Variants in FRMD4A observed in about 807,000 individuals in gnomAD.
FRMD4A encodes the protein FERM domain containing 4A, also known as FERM domain-containing protein 4A.
A neutral mutation model predicts 129.1 loss-of-function variants in FRMD4A; 29 were observed. The observed-to-expected ratio is 0.22, with a 90% CI of 0.17 to 0.31. The LOEUF (loss-of-function observed/expected upper bound fraction) is 0.31. FRMD4A is among the 10% of genes least tolerant of loss of function. FRMD4A has a pLI of 1.00. For missense variants in FRMD4A, 1,272 were observed against 1,375.8 expected (o/e 0.92, Z 1.19); for synonymous variants, 634 against 571.6 (o/e 1.11, Z -1.56).
chr10:13,916,183 G>A (rs2095002291), intron 2 of FRMD4A, among the ~76,000 whole-genome samples: 1 of 152,160 alleles, frequency 6.6e-6, no homozygotes, highest in South Asian at 2.1e-4. Flanking sequence ...GAAGTCTTTA[G>A]GTTTCATTCT....
intron 2 of FRMD4A, among the ~76,000 whole-genome samples, chr10:14,096,313 T>C (rs1184378875): frequency 1.3e-5 from 2 of 152,192 alleles, no homozygotes; most frequent in Admixed American, 6.5e-5. Context: ...GATCTTGAAC[T>C]TCCCAGCCTC....
chr10:14,213,595 C>T (rs919574144), intron 2 of FRMD4A, among the ~76,000 whole-genome samples: 10 of 152,218 alleles, frequency 6.6e-5, no homozygotes, highest in African/African-American at 2.2e-4. Context: ...TCTGCACAAA[C>T]AAAACCATCC....
chr10:13,725,143 G>A (rs1415399616), intron 12 of FRMD4A, among the ~76,000 whole-genome samples: 1 of 152,138 alleles, frequency 6.6e-6, no homozygotes, highest in Non-Finnish European at 1.5e-5. Context: ...CTAGTTTTAA[G>A]ATTCCTTCAA....
intron 2 of FRMD4A, among the ~76,000 whole-genome samples, chr10:13,889,145 G>A (rs186528755): frequency 3.0e-4 from 45 of 152,350 alleles, no homozygotes; most frequent in African/African-American, 1.0e-3. Context: ...ATCTTTGATG[G>A]TAGTCTCACC....
chr10:14,015,759 A>G (rs2095697224), intron 2 of FRMD4A, among the ~76,000 whole-genome samples: 1 of 152,228 alleles, frequency 6.6e-6, no homozygotes, highest in Admixed American at 6.5e-5. Flanking sequence ...TGTCTAATAA[A>G]ATAAGGCAAT....
At chr10:14,244,264 C>A (rs993164353) in intron 2 of FRMD4A, among the ~76,000 whole-genome samples, 3 of 152,240 alleles carry the variant, frequency 2.0e-5, no homozygotes, top group Non-Finnish European at 4.4e-5. Context: ...CTGCTGTTCA[C>A]CAGCCTTGCC....
At chr10:13,842,153 A>G (rs1007803958) in intron 3 of FRMD4A, among the ~76,000 whole-genome samples, 2 of 152,180 alleles carry the variant, frequency 1.3e-5, no homozygotes, top group Non-Finnish European at 1.5e-5. Flanking sequence ...GGGGTCAACA[A>G]ACCCCCAAGG....
intron 2 of FRMD4A, among the ~76,000 whole-genome samples, chr10:13,997,868 C>T (rs974060638): frequency 6.6e-6 from 1 of 152,130 alleles, no homozygotes; most frequent in South Asian, 2.1e-4. Flanking sequence ...CTGCTCACCT[C>T]TACCTCCCAA....
intron 2 of FRMD4A, among the ~76,000 whole-genome samples, chr10:13,988,607 T>C (rs1034983512): frequency 2.6e-5 from 4 of 152,182 alleles, no homozygotes; most frequent in African/African-American, 9.7e-5. Flanking sequence ...GATAGATGAA[T>C]GGATGGGTAC....
intron 2 of FRMD4A, among the ~76,000 whole-genome samples, chr10:14,061,592 C>G (rs1246645702): frequency 6.6e-6 from 1 of 152,160 alleles, no homozygotes; most frequent in African/African-American, 2.4e-5. Flanking sequence ...CCTCCCTATC[C>G]TGAGACTTTT....
chr10:14,062,610 A>C (rs1395884440), intron 2 of FRMD4A, among the ~76,000 whole-genome samples: 1 of 152,258 alleles, frequency 6.6e-6, no homozygotes, highest in Non-Finnish European at 1.5e-5. Flanking sequence ...GAGACAGTGC[A>C]TCCCTCTAAG....
chr10:14,323,723 C>T (rs7095240), intron 2 of FRMD4A, among the ~76,000 whole-genome samples: 3,347 of 152,268 alleles, frequency 0.022, 135 homozygotes, highest in African/African-American at 0.076. Flanking sequence ...TCCTTCCTTC[C>T]TTTCAGTAGG....
chr10:13,860,789 T>A (rs1005694965), intron 2 of FRMD4A, among the ~76,000 whole-genome samples: 3 of 151,590 alleles, frequency 2.0e-5, no homozygotes, highest in Non-Finnish European at 4.4e-5. Context: ...TTTAATTTAA[T>A]TTTTTTTTAG....
chr10:13,664,006 G>C (rs1180887683), intron 18 of FRMD4A, among the ~76,000 whole-genome samples: 2 of 152,168 alleles, frequency 1.3e-5, no homozygotes, highest in African/African-American at 4.8e-5. Context: ...GCTAAATACA[G>C]GCTCCATCTC....
intron 2 of FRMD4A, among the ~76,000 whole-genome samples, chr10:13,937,704 CTTAAAA>C (rs1023540764): frequency 7.9e-5 from 12 of 152,150 alleles, no homozygotes; most frequent in African/African-American, 2.2e-4. Context: ...AAAAAAGGGA[CTTAAAA>C]TTAAAATTTA....
chr10:13,917,808 C>A (rs2131248286), intron 2 of FRMD4A, among the ~76,000 whole-genome samples: 1 of 152,310 alleles, frequency 6.6e-6, no homozygotes, highest in South Asian at 2.1e-4. Context: ...ATCTGAGCCA[C>A]AGTTGGGCAC....
intron 2 of FRMD4A, among the ~76,000 whole-genome samples, chr10:13,974,980 GGTGT>G (rs36211073): frequency 0.34 from 51,711 of 151,380 alleles, 9,146 homozygotes; most frequent in East Asian, 0.6. Context: ...ATTCACTATA[GGTGT>G]GTGTGTGTGT....
At chr10:13,904,801 T>C (rs2094861955) in intron 2 of FRMD4A, among the ~76,000 whole-genome samples, 1 of 152,052 alleles carries the variant, frequency 6.6e-6, no homozygotes, top group African/African-American at 2.4e-5. Flanking sequence ...GAGACCAGCC[T>C]GGCCAACGTG....
chr10:14,100,653 T>C (rs1837255528), intron 2 of FRMD4A, among the ~76,000 whole-genome samples: 3 of 152,216 alleles, frequency 2.0e-5, no homozygotes, highest in Admixed American at 2.0e-4. Context: ...GCCAATCTGT[T>C]CAAGATTGTT....
Sources: gnomAD v4.1 joint callset for allele counts (sites outside exome capture counted in the v4.1 genomes callset) on GRCh38, gnomAD v4.1.1 for gene constraint, MANE v1.5 for transcripts, NCBI Gene and HGNC (gene_info 2026-07-23, HGNC 2026-07-21) for gene names.